The following ZNF701 variants were observed in gnomAD, a reference collection of about 807,000 sequenced individuals.
ZNF701 encodes the protein zinc finger protein 701.
In ZNF701, 6 loss-of-function variants were observed where a neutral mutation model predicts 7.1. The observed-to-expected ratio is 0.84, with a 90% CI of 0.46 to 1.66. The LOEUF is 1.66. Ranked by LOEUF, ZNF701 falls within the 40% of genes most tolerant of loss-of-function variation. The pLI is 0.01. For missense variants in ZNF701, 541 were observed against 559.2 expected (o/e 0.97, Z 0.33); for synonymous variants, 166 against 188.2 (o/e 0.88, Z 0.97).
At chr19:52,597,546 T>C in the ZNF701 span, 1 of 367,762 alleles carries the variant, frequency 2.7e-6, no homozygotes. Flanking sequence ...AAAGTGTTTA[T>C]GTTAAGAAGA....
intron 3 of ZNF701, among the ~76,000 whole-genome samples, chr19:52,577,663 T>G (rs1312326545): frequency 6.6e-6 from 1 of 151,952 alleles, no homozygotes; most frequent in Non-Finnish European, 1.5e-5. Context: ...GGGTCCTTGG[T>G]CAAGCGGTAA....
the ZNF701 span, chr19:52,596,750 C>A: frequency 6.7e-5 from 35 of 521,482 alleles, no homozygotes; most frequent in Admixed American, 7.1e-4. Flanking sequence ...CCTTGTAATG[C>A]ATAAGGCAAT....
chr19:52,599,033 A>T, the ZNF701 span: 6 of 149,696 alleles, frequency 4.0e-5, no homozygotes. Context: ...CTGTCTTCTG[A>T]GGTTTTTTTT....
At chr19:52,596,257 T>C in the ZNF701 span, 3 of 471,488 alleles carry the variant, frequency 6.4e-6, no homozygotes, top group Non-Finnish European at 1.2e-5. Flanking sequence ...CATGGCACCA[T>C]AGTGTTCATA....
the ZNF701 span, chr19:52,593,913 G>T: frequency 7.2e-6 from 1 of 137,964 alleles, no homozygotes; most frequent in Non-Finnish European, 1.5e-5. Context: ...TCCCAGATGG[G>T]GTGGTGGCCG....
chr19:52,578,001 T>C (rs924703523), intron 3 of ZNF701, among the ~76,000 whole-genome samples: 9 of 151,982 alleles, frequency 5.9e-5, no homozygotes, highest in Non-Finnish European at 1.5e-5. Flanking sequence ...TTGCCTGTAA[T>C]CCCAGCACTT....
the ZNF701 span, among the ~76,000 whole-genome samples, chr19:52,592,716 AC>A: frequency 6.6e-6 from 1 of 152,130 alleles, no homozygotes; most frequent in African/African-American, 2.4e-5. Context: ...GAGCCTCCCA[AC>A]CTAACTGAAA....
At chr19:52,596,236 G>A in the ZNF701 span, 12 of 509,394 alleles carry the variant, frequency 2.4e-5, no homozygotes, top group East Asian at 5.1e-4. Flanking sequence ...TTCATCAGAA[G>A]CAATACCTTG....
intron 1 of ZNF701, among the ~76,000 whole-genome samples, chr19:52,571,850 T>G (rs1464750110): frequency 6.6e-6 from 1 of 151,428 alleles, no homozygotes; most frequent in African/African-American, 2.4e-5. Flanking sequence ...TGAGACGGAG[T>G]TTCGCTCTTG....
Position 52,586,686 on chromosome 19 carries a change from C to T in ZNF701, c.*3229C>T, listed in dbSNP as rs527567093. The T allele has an allele frequency of 4.6e-5, 7 of 152,268 alleles. No individual in the cohort carries two copies. The South Asian group carries it at 1.5e-3, about 32-fold the overall frequency. 9.4% of individuals were successfully genotyped at this position (152,268 alleles called of 1,614,324 possible). A position where few individuals can be genotyped will look rare whatever the true frequency, so the allele number is the denominator to read the frequency against. On this transcript the variant is annotated 3_prime_UTR_variant, in exon 4 of 4. Coordinates refer to ENST00000391785, the MANE Select transcript of ZNF701 (RefSeq NM_018260.3). ...GGATAACTTGGTGAAACGTCCCCCG[C>T]TGTGAACCTCAGTGAGCCCACCTGT...
chr19:52,593,304 C>T, the ZNF701 span, among the ~76,000 whole-genome samples: 4 of 118,618 alleles, frequency 3.4e-5, 2 homozygotes, highest in Admixed American at 3.5e-4. Flanking sequence ...GTACACCTCC[C>T]AGACAGGGTG....
chr19:52,595,732 C>T, the ZNF701 span: 1 of 1,566,074 alleles, frequency 6.4e-7, no homozygotes, highest in Non-Finnish European at 8.8e-7. Flanking sequence ...GAGATTTTTG[C>T]TTCCCAGAAA....
At chr19:52,596,218 CAA>C in the ZNF701 span, 1 of 550,202 alleles carries the variant, frequency 1.8e-6, no homozygotes, top group South Asian at 1.8e-5. Context: ...ATGTATGTGG[CAA>C]AGTCTTTCAT....
chr19:52,597,755 C>T, the ZNF701 span: 371 of 203,770 alleles, frequency 1.8e-3, no homozygotes, highest in African/African-American at 8.0e-3. Flanking sequence ...AGAGGGTGAT[C>T]GTCATCTTGA....
At chr19:52,576,042 G>T (rs1309728542) in intron 3 of ZNF701, 21 bp downstream of exon 3, 3 of 1,597,074 alleles carry the variant, frequency 1.9e-6, no homozygotes, top group African/African-American at 1.4e-5. Flanking sequence ...CTTCCCTCCA[G>T]AAGTGGGGAT....
Position 52,583,462 on chromosome 19 carries a change from G to T in ZNF701, c.*5G>T. 6.2e-7 allele frequency: 1 copy of T among 1,609,654 alleles called. No individual in the cohort carries two copies. Among genetic ancestry groups the T allele is most frequent in the Non-Finnish European group, 8.5e-7 (1 of 1,177,568 alleles). On this transcript the variant is annotated 3_prime_UTR_variant, in exon 4 of 4. Transcript: ENST00000391785. ...CATACTGGAAAGAAATCTTAGAAGT[G>T]TAAATTTGCAAGGTTTTTAGGCAAC... is the stretch of plus-strand genomic sequence containing the variant.
chr19:52,575,819 C>T (rs1175839729), intron 2 of ZNF701, 76 bp from the exon 3 acceptor site: 1 of 987,868 alleles, frequency 1.0e-6, no homozygotes, highest in Non-Finnish European at 1.4e-6. Context: ...CATGCTTTCC[C>T]CTCTCCTCTT....
the ZNF701 span, among the ~76,000 whole-genome samples, chr19:52,599,293 C>G: frequency 6.6e-6 from 1 of 151,880 alleles, no homozygotes; most frequent in South Asian, 2.1e-4. Context: ...AGGCAAACAA[C>G]AAGGGAAACA....
rs201355872 is a variant in ZNF701 at position 52,583,376 on chromosome 19, G to A, written c.1317G>A (p.Lys439=). 3 of 1,613,330 alleles carry A rather than the reference G, an allele frequency of 1.9e-6. No homozygotes were observed. Among genetic ancestry groups the A allele is most frequent in the Non-Finnish European group, 2.5e-6 (3 of 1,179,504 alleles). The part of the protein sequence containing the change: ...RRLHTGEKPY[K]CNECGKVFNR... Reference sequence around the variant, plus strand: ...TTCATACTGGAGAGAAACCTTACAAGTGTAATGAATGTGGCAAGGTTTTTA... The same window carrying A: ...TTCATACTGGAGAGAAACCTTACAAATGTAATGAATGTGGCAAGGTTTTTA... The change falls in exon 4 of 4, where the codon AAG becomes AAA. Residue 439 remains lysine (K), a synonymous_variant. Transcript: ENST00000391785.
Sources: gnomAD v4.1 joint callset for allele counts (sites outside exome capture counted in the v4.1 genomes callset) on GRCh38, gnomAD v4.1.1 for gene constraint, MANE v1.5 for transcripts, NCBI Gene and HGNC (gene_info 2026-07-23, HGNC 2026-07-21) for gene names.